The following MMRN1 variants were observed in gnomAD, a reference collection of about 807,000 sequenced individuals.
MMRN1 encodes multimerin 1.
In MMRN1, 94 loss-of-function variants were observed where a neutral mutation model predicts 100.7. The ratio of observed to expected loss-of-function variants is 0.93; its 90% CI spans 0.79 to 1.11. The LOEUF is 1.11. Ranked by LOEUF, MMRN1 falls within the 50% of genes least tolerant of loss-of-function variation. The pLI is 0.00. For missense variants in MMRN1, 1,606 were observed against 1,439.1 expected, an observed-to-expected ratio of 1.12 and a Z score of -1.88; for synonymous variants, 575 against 505.0, an observed-to-expected ratio of 1.14 and a Z score of -1.86.
At chr4:89,909,948 A>C (rs1411475262) in intron 2 of MMRN1, among the ~76,000 whole-genome samples, 2 of 151,436 alleles carry the variant, frequency 1.3e-5, no homozygotes, top group Non-Finnish European at 3.0e-5. Flanking sequence ...TTGTCCTAAA[A>C]GATGGGGCTG....
chr4:89,898,537 C>T (rs1310580454), intron 1 of MMRN1, among the ~76,000 whole-genome samples: 1 of 151,766 alleles, frequency 6.6e-6, no homozygotes, highest in Non-Finnish European at 1.5e-5. Context: ...TATTGGTTGC[C>T]TCCAGAATAC....
At chr4:89,924,616 G>A (rs1370260654) in intron 4 of MMRN1, among the ~76,000 whole-genome samples, 3 of 151,722 alleles carry the variant, frequency 2.0e-5, no homozygotes, top group African/African-American at 4.8e-5. Context: ...AGGCCGAGGC[G>A]GGTGGATCAT....
intron 3 of MMRN1, among the ~76,000 whole-genome samples, chr4:89,915,961 G>T (rs1483613136): frequency 2.0e-5 from 3 of 151,630 alleles, no homozygotes; most frequent in African/African-American, 7.3e-5. Flanking sequence ...CCTAGAATCT[G>T]TGGCAGTCCT....
intron 1 of MMRN1, among the ~76,000 whole-genome samples, chr4:89,887,462 T>G (rs1444682288): frequency 6.6e-6 from 1 of 152,032 alleles, no homozygotes; most frequent in East Asian, 1.9e-4. Context: ...CATAGACTGA[T>G]GGAACAAAAT....
At chr4:89,919,998 C>T (rs1055342007) in intron 3 of MMRN1, among the ~76,000 whole-genome samples, 1 of 152,134 alleles carries the variant, frequency 6.6e-6, no homozygotes, top group Non-Finnish European at 1.5e-5. Context: ...CACTGCCTGA[C>T]ATCAGTCCAA....
rs1203547252 is a variant in MMRN1, at chr4:89,935,522, A to G, written c.1842A>G (p.Leu614=). The G allele has an allele frequency of 1.2e-6, 2 of 1,613,154 alleles. No individual in the cohort carries two copies. The highest frequency in any genetic ancestry group is 2.2e-5 in the East Asian group (1 of 44,852). The change falls in exon 6 of 8, where the codon TTA becomes TTG. Residue 614 remains leucine (L), a synonymous_variant. Coordinates refer to ENST00000264790, the MANE Select transcript of MMRN1 (RefSeq NM_007351.3). ...KFQLKDTEEN[L]HVLNQTLAEV... is the part of the protein sequence containing the mutation. ...AACTTAAGGACACAGAAGAGAATTT[A>G]CATGTGTTAAATCAAACATTGGCTG... is the stretch of plus-strand genomic sequence containing the variant.
intron 4 of MMRN1, among the ~76,000 whole-genome samples, chr4:89,925,218 C>CTCATCTCCAGAGCTCAACAT (rs1722210188): frequency 6.6e-6 from 1 of 151,028 alleles, no homozygotes; most frequent in South Asian, 2.1e-4. Context: ...ATCACTACAG[C>CTCATCTCCAGAGCTCAACAT]CTCCATCTCC....
Position 89,912,041 on chromosome 4 carries a change from C to A in MMRN1, c.841C>A (p.Gln281Lys). Residue 281 changes from glutamine to lysine, a missense_variant, in exon 3 of 8, where the codon CAA becomes AAA. Gln to Lys is a moderately conservative substitution (Grantham distance 53, BLOSUM62 1). Coordinates refer to ENST00000264790, the MANE Select transcript of MMRN1 (RefSeq NM_007351.3). ...TCCTGGATACAGTGGGCCGAAATGT[C>A]AACTAAGAGGTACACTCTAATATTA... ...CCPGYSGPKC[Q>K]LRAQEQQSLI... 6.3e-7 allele frequency: 1 copy of A among 1,587,440 alleles called. No individual in the cohort carries two copies. Among genetic ancestry groups the A allele is most frequent in the South Asian group, 1.1e-5 (1 of 88,614 alleles).
At chr4:89,904,375 A>C (rs1479138341) in intron 1 of MMRN1, among the ~76,000 whole-genome samples, 1 of 151,770 alleles carries the variant, frequency 6.6e-6, no homozygotes, top group Non-Finnish European at 1.5e-5. Context: ...CATCACTGCC[A>C]TCTATTTCTG....
chr4:89,886,305 A>G (rs575558801), intron 1 of MMRN1, among the ~76,000 whole-genome samples: 22 of 152,178 alleles, frequency 1.4e-4, no homozygotes, highest in Middle Eastern at 6.8e-3. Context: ...TGCTGCTTTG[A>G]CTGAGGATTA....
intron 1 of MMRN1, among the ~76,000 whole-genome samples, chr4:89,884,988 A>G (rs1175430709): frequency 6.6e-6 from 1 of 152,138 alleles, no homozygotes; most frequent in African/African-American, 2.4e-5. Flanking sequence ...ATAATTAATA[A>G]AGATGTTAGC....
In MMRN1 at chr4:89,953,668, A is replaced by C. The variant is rs186691660; in HGVS notation, c.*250A>C. ...AAAACAAAGTGAATTTGTTAGCATAATTATTCCTATTCTTATTTCTTCATT... is the reference window on the plus strand; with the variant it reads ...AAAACAAAGTGAATTTGTTAGCATACTTATTCCTATTCTTATTTCTTCATT... On this transcript the variant is annotated 3_prime_UTR_variant, in exon 8 of 8. Transcript: ENST00000264790. The C allele has an allele frequency of 1.2e-3, 398 of 331,414 alleles. 3 individuals carry two copies. Among genetic ancestry groups the C allele is most frequent in the African/African-American group, 7.9e-3 (368 of 46,802 alleles). The allele number at this position is 331,414 out of a possible 1,614,324, so 20.5% of individuals were successfully genotyped here.
chr4:89,928,406 T>G (rs1722334526), intron 5 of MMRN1, among the ~76,000 whole-genome samples: 1 of 152,152 alleles, frequency 6.6e-6, no homozygotes, highest in Non-Finnish European at 1.5e-5. Context: ...TTCTAGGTTA[T>G]GGTGTAAAAT....
At chr4:89,900,172 C>A (rs1721338972) in intron 1 of MMRN1, among the ~76,000 whole-genome samples, 1 of 152,060 alleles carries the variant, frequency 6.6e-6, no homozygotes, top group African/African-American at 2.4e-5. Context: ...TGCTATCTGA[C>A]CACTAGTGAC....
At chr4:89,918,732 C>T (rs539583164) in intron 3 of MMRN1, among the ~76,000 whole-genome samples, 368 of 151,938 alleles carry the variant, frequency 2.4e-3, no homozygotes, top group South Asian at 0.014. Context: ...CTATCTAAAA[C>T]TTTGCCTGGA....
At chr4:89,894,814 C>A, upstream of MMRN1, 3 of 1,327,258 alleles carry the variant, frequency 2.3e-6, no homozygotes, top group South Asian at 5.2e-5. Context: ...AACCGAACTT[C>A]CTGAGTACGC....
At chr4:89,952,428 A>T (rs945446950) in intron 7 of MMRN1, among the ~76,000 whole-genome samples, 8 of 152,218 alleles carry the variant, frequency 5.3e-5, no homozygotes, top group Non-Finnish European at 8.8e-5. Flanking sequence ...TATCCTGCAT[A>T]GTGAAATGTA....
intron 3 of MMRN1, among the ~76,000 whole-genome samples, chr4:89,922,263 C>T (rs1040505563): frequency 3.9e-5 from 6 of 151,936 alleles, no homozygotes; most frequent in African/African-American, 1.2e-4. Flanking sequence ...TGAGCCACCA[C>T]ATCTGACTAA....
intron 4 of MMRN1, among the ~76,000 whole-genome samples, chr4:89,923,697 A>G (rs2241884): frequency 0.067 from 10,179 of 152,262 alleles, 626 homozygotes; most frequent in East Asian, 0.3. Flanking sequence ...TCCCTAAGAA[A>G]TGGGATTATG....
Sources: gnomAD v4.1 joint callset for allele counts (sites outside exome capture counted in the v4.1 genomes callset) on GRCh38, gnomAD v4.1.1 for gene constraint, MANE v1.5 for transcripts, NCBI Gene and HGNC (gene_info 2026-07-23, HGNC 2026-07-21) for gene names.